MCCC1: variants seen among roughly 807,000 people sequenced by gnomAD.
MCCC1 encodes methylcrotonoyl-CoA carboxylase subunit alpha, mitochondrial.
A neutral mutation model predicts 83.8 loss-of-function variants in MCCC1; 64 were observed. That is an observed-to-expected ratio of 0.76 (90% CI 0.62 to 0.94). MCCC1 has a LOEUF of 0.94. Among genes scored for constraint, MCCC1 ranks in the 40% least tolerant of loss-of-function variants. The pLI, the probability that MCCC1 is intolerant of heterozygous loss-of-function variation, is 0.00. For synonymous variants in MCCC1, 322 were observed against 315.4 expected (o/e 1.02, Z -0.22); for missense variants, 807 against 904.7 (o/e 0.89, Z 1.39).
intron 4 of MCCC1, among the ~76,000 whole-genome samples, chr3:183,082,703 G>A (rs1717600322): frequency 1.3e-5 from 2 of 152,166 alleles, no homozygotes; most frequent in African/African-American, 4.8e-5. Flanking sequence ...GTGTGGCCAG[G>A]GCGGTGGCTC....
intron 1 of MCCC1, among the ~76,000 whole-genome samples, chr3:183,111,953 G>T (rs932045403): frequency 1.3e-4 from 19 of 151,504 alleles, no homozygotes; most frequent in African/African-American, 4.6e-4. Context: ...AAAATATATC[G>T]CCATTTTTGA....
chr3:183,070,318 C>T (rs987156614), intron 7 of MCCC1, among the ~76,000 whole-genome samples: 19 of 151,974 alleles, frequency 1.3e-4, no homozygotes, highest in African/African-American at 4.6e-4. Context: ...CAACAAGAAA[C>T]ATACTGAATG....
In MCCC1 at chr3:183,045,435, T is replaced by C; in HGVS notation, c.1061A>G (p.Asp354Gly). The C allele has an allele frequency of 1.2e-6, 2 of 1,614,176 alleles. No homozygotes were observed. Among genetic ancestry groups the C allele is most frequent in the Non-Finnish European group, 1.7e-6 (2 of 1,180,014 alleles). ...HPVTEMITGTDLVEWQLRIAA... is the reference protein window; with the variant it reads ...HPVTEMITGTGLVEWQLRIAA... ...CACTCTAAGCTGCCACTCCACCAAG[T>C]CAGTTCCTGTGATCATCTCAGTAAC... The change falls in exon 10 of 19, where the codon GAC (aspartate) becomes GGC (glycine). Residue 354 changes from aspartate (D) to glycine (G), a missense_variant. Physicochemically the swap from Asp to Gly is moderately conservative, Grantham distance 94. Coordinates refer to ENST00000265594, the MANE Select transcript of MCCC1 (RefSeq NM_020166.5).
At chr3:183,092,141 G>A (rs935560600) in intron 3 of MCCC1, among the ~76,000 whole-genome samples, 1 of 152,174 alleles carries the variant, frequency 6.6e-6, no homozygotes, top group Non-Finnish European at 1.5e-5. Context: ...TGTAGTCAGT[G>A]GATCCGCAAC....
intron 3 of MCCC1, chr3:183,091,028 C>T (rs894331215): frequency 4.4e-6 from 2 of 456,516 alleles, no homozygotes; most frequent in East Asian, 7.0e-5. Flanking sequence ...TCAAGATCAT[C>T]CTGCTGCAAA....
chr3:183,071,167 A>G lies in MCCC1; in HGVS notation c.639+43T>C, dbSNP rs111340632. The stretch of plus-strand genomic sequence containing the variant: ...TGACTACAACATAAATAAAACAAAG[A>G]AGACAAGCCTGAATTGGCAAACACA... On this transcript the variant is annotated intron_variant, in intron 6 of 18. Coordinates refer to ENST00000265594, the MANE Select transcript of MCCC1 (RefSeq NM_020166.5). 4.6e-5 allele frequency: 75 copies of G among 1,614,242 alleles called. 1 individual carries two copies. In the East Asian group the frequency reaches 9.4e-4, roughly 20 times the overall value.
chr3:183,054,415 C>CT (rs981860281), intron 8 of MCCC1, among the ~76,000 whole-genome samples: 4 of 151,406 alleles, frequency 2.6e-5, no homozygotes, highest in African/African-American at 9.7e-5. Context: ...TCTCGATCTC[C>CT]TGACCTCGTG....
Position 183,037,300 on chromosome 3 carries a change from G to C in MCCC1, c.1512C>G (p.Ala504=). ...KQLLLSRKAA[A]KESLCQAALG... ...GGGCTGCCTGGCATAAAGACTCTTTGGCTGCAGCCTTCCGACTGAGCAACA... is the reference window on the plus strand; with the variant it reads ...GGGCTGCCTGGCATAAAGACTCTTTCGCTGCAGCCTTCCGACTGAGCAACA... The change falls in exon 13 of 19, where the codon GCC becomes GCG. Residue 504 remains alanine (A), a synonymous_variant. Transcript: ENST00000265594. 2 of 1,614,102 alleles carry C rather than the reference G, an allele frequency of 1.2e-6. No homozygotes were observed. The highest frequency in any genetic ancestry group is 2.2e-5 in the South Asian group (2 of 91,078).
At chr3:183,023,261 G>T (rs1252094175) in intron 15 of MCCC1, among the ~76,000 whole-genome samples, 1 of 152,160 alleles carries the variant, frequency 6.6e-6, no homozygotes, top group Non-Finnish European at 1.5e-5. Flanking sequence ...TGCTAGTGTA[G>T]AAGTCACATG....
At chr3:183,055,662 G>T (rs1009961031) in intron 8 of MCCC1, among the ~76,000 whole-genome samples, 1 of 152,126 alleles carries the variant, frequency 6.6e-6, no homozygotes, top group Non-Finnish European at 1.5e-5. Context: ...TTGGGAGGCT[G>T]AGGTTAAAGG....
At chr3:183,111,555 C>A (rs1414743596) in intron 1 of MCCC1, among the ~76,000 whole-genome samples, 22 of 152,210 alleles carry the variant, frequency 1.4e-4, no homozygotes, top group Admixed American at 1.4e-3. Context: ...CCGCCTTGGC[C>A]TCCCAAAGTG....
chr3:183,076,260 A>C (rs1717065097), intron 4 of MCCC1, among the ~76,000 whole-genome samples: 6 of 152,206 alleles, frequency 3.9e-5, no homozygotes. Context: ...CCTTTAAAAA[A>C]ATTCATATAA....
At chr3:183,100,096 C>T (rs1286568415), upstream of MCCC1, among the ~76,000 whole-genome samples, 1 of 152,036 alleles carries the variant, frequency 6.6e-6, no homozygotes, top group East Asian at 1.9e-4. Context: ...ATTCAGGAAA[C>T]CAGTGTCAAA....
intron 3 of MCCC1, among the ~76,000 whole-genome samples, chr3:183,089,623 G>A (rs1036862568): frequency 1.3e-5 from 2 of 151,914 alleles, no homozygotes; most frequent in African/African-American, 4.8e-5. Flanking sequence ...CAAAAAAAAA[G>A]GTGACTGTGG....
intron 1 of MCCC1, among the ~76,000 whole-genome samples, chr3:183,108,043 G>C (rs1340506548): frequency 6.6e-6 from 1 of 152,212 alleles, no homozygotes; most frequent in Non-Finnish European, 1.5e-5. Flanking sequence ...CTTCCTAAAT[G>C]AGGAAGTACG....
intron 17 of MCCC1, among the ~76,000 whole-genome samples, chr3:183,019,094 AAATAT>A (rs1057466495): frequency 3.3e-5 from 5 of 152,336 alleles, no homozygotes; most frequent in Admixed American, 3.3e-4. Flanking sequence ...CACTTGGGGT[AAATAT>A]TTCCAAACGA....
chr3:183,099,410 G>A lies in MCCC1; in HGVS notation c.31C>T (p.Leu11=), dbSNP rs1453383248. Residue 11 remains leucine, a synonymous_variant, in exon 1 of 19, where the codon CTG becomes TTG. Coordinates refer to ENST00000265594, the MANE Select transcript of MCCC1 (RefSeq NM_020166.5). MAAASAVSVL[L]VAAERNRWHR... ...CACCGGTTCCTCTCCGCCGCCACCA[G>A]CAGCACCGACACCGCAGAGGCCGCC... The A allele has an allele frequency of 1.1e-5, 18 of 1,607,770 alleles. No individual in the cohort carries two copies. The highest frequency in any genetic ancestry group is 1.5e-5 in the Non-Finnish European group (18 of 1,178,294).
At chr3:183,032,716 T>C (rs1713180637) in intron 14 of MCCC1, among the ~76,000 whole-genome samples, 1 of 151,932 alleles carries the variant, frequency 6.6e-6, no homozygotes, top group Non-Finnish European at 1.5e-5. Context: ...CTACTAAAAA[T>C]ACAAAAACTT....
At chr3:183,102,922 G>T (rs1719341546), upstream of MCCC1, among the ~76,000 whole-genome samples, 1 of 151,518 alleles carries the variant, frequency 6.6e-6, no homozygotes, top group Non-Finnish European at 1.5e-5. Flanking sequence ...GAATAGCTAG[G>T]ATTACAGGCA....
Sources: gnomAD v4.1 joint callset for allele counts (sites outside exome capture counted in the v4.1 genomes callset) on GRCh38, gnomAD v4.1.1 for gene constraint, MANE v1.5 for transcripts, NCBI Gene and HGNC (gene_info 2026-07-23, HGNC 2026-07-21) for gene names.